The following GLOD5 variants were observed in gnomAD, a reference collection of about 807,000 sequenced individuals.
GLOD5 encodes the protein glyoxalase domain-containing protein 5.
A neutral mutation model predicts 9.9 loss-of-function variants in GLOD5; 7 were observed. The ratio of observed to expected loss-of-function variants is 0.71; its 90% CI spans 0.40 to 1.33. The LOEUF (loss-of-function observed/expected upper bound fraction) is 1.33. Ranked by LOEUF, GLOD5 falls within the 40% of genes most tolerant of loss-of-function variation. The pLI, the probability that GLOD5 is intolerant of heterozygous loss-of-function variation, is 0.01. For missense variants in GLOD5, 146 were observed against 128.4 expected, an observed-to-expected ratio of 1.14 and a Z score of -0.66; for synonymous variants, 49 against 47.3, an observed-to-expected ratio of 1.04 and a Z score of -0.14.
At chrX:48,771,291 A>C (rs782494016) in intron 3 of GLOD5, among the ~76,000 whole-genome samples, 122 of 111,161 alleles carry the variant, frequency 1.1e-3, no homozygotes, top group East Asian at 3.3e-3. Flanking sequence ...ACAAACAAAC[A>C]AACCTACATT....
At chrX:48,766,217 C>A in intron 2 of GLOD5, 1 of 318,654 alleles carries the variant, frequency 3.1e-6, no homozygotes, top group Non-Finnish European at 5.5e-6. Context: ...AAAGGTTAAC[C>A]AAGTATCCAG....
At position 48,766,985 on chromosome X, in the gene GLOD5, C is replaced by CAA. The variant is rs782648787; in HGVS notation, c.201+1032_201+1033dup. 0.014 allele frequency among the ~76,000 whole-genome samples: 41 copies of CAA among 3,020 alleles called. 8 individuals carry two copies. In the South Asian group the frequency reaches 0.23, roughly 17 times the overall value. 2.6% of individuals were successfully genotyped at this position (3,020 alleles called of 115,157 possible). A position where few individuals can be genotyped will look rare whatever the true frequency, so the allele number is the denominator to read the frequency against. On this transcript the variant is annotated intron_variant, in intron 2 of 3. Transcript: ENST00000303227. ...TGGGTGACAGAGCAAGATTCCATCT[C>CAA]AAAAAAAAAAAAAAAAAAAACCAAC...
intron 2 of GLOD5, 54 bp from the exon 3 acceptor site, chrX:48,770,873 T>C: frequency 1.0e-6 from 1 of 977,052 alleles, no homozygotes; most frequent in Non-Finnish European, 1.4e-6. Context: ...CATCTCACAC[T>C]CATCTTGGAG....
rs149903936 is a variant in GLOD5, at chrX:48,766,470, G to T, written c.201+498G>T. On this transcript the variant is annotated intron_variant, in intron 2 of 3. Transcript: ENST00000303227. ...CTATTAACCAAAGGTAAATGTAGGG[G>T]CCAGGTGCGGTGGCTCATGCCTGTA... Among the ~76,000 whole-genome samples the T allele has an allele frequency of 6.7e-4, 75 of 111,996 alleles. 1 individual carries two copies. The East Asian group carries it at 0.018, about 26-fold the overall frequency.
At chrX:48,772,918 G>C (rs2062626128) in intron 3 of GLOD5, among the ~76,000 whole-genome samples, 1 of 110,711 alleles carries the variant, frequency 9.0e-6, no homozygotes, top group Non-Finnish European at 1.9e-5. Context: ...GGTGTTCTAA[G>C]GTCTTCTAGG....
intron 1 of GLOD5, among the ~76,000 whole-genome samples, chrX:48,762,992 T>G (rs1285395314): frequency 1.8e-5 from 2 of 111,819 alleles, no homozygotes; most frequent in East Asian, 5.6e-4. Context: ...AAGAATAGAA[T>G]AATGGGAGGA....
rs782436932 is a variant in GLOD5, at chrX:48,772,695, G to A, written c.358-615G>A. ...AAAATGGGTGAAGCATAGGGGTTAAGAGTATGGTCGTTGACCCAGACTGCC... is the reference window on the plus strand; with the variant it reads ...AAAATGGGTGAAGCATAGGGGTTAAAAGTATGGTCGTTGACCCAGACTGCC... On this transcript the variant is annotated intron_variant, in intron 3 of 3. Transcript: ENST00000303227. 6.6e-4 allele frequency among the ~76,000 whole-genome samples: 74 copies of A among 111,375 alleles called. 1 individual carries two copies. In the South Asian group the frequency reaches 0.012, roughly 18 times the overall value.
rs372009236 is a variant in GLOD5 at position 48,773,447 on chromosome X, C to G, written c.*12C>G. On this transcript the variant is annotated 3_prime_UTR_variant, in exon 4 of 4. Transcript: ENST00000303227. ...ACATCTCCTCGTGATGGAGGCTGGA[C>G]CTCCTCCATTCTGTCCCCCTTGATG... 144 of 1,203,983 alleles carry G rather than the reference C, an allele frequency of 1.2e-4. No homozygotes were observed. The highest frequency in any genetic ancestry group is 1.6e-4 in the Non-Finnish European group (142 of 892,172).
chrX:48,763,133 T>C (rs1557016196), intron 1 of GLOD5, among the ~76,000 whole-genome samples: 1 of 111,577 alleles, frequency 9.0e-6, no homozygotes, highest in Non-Finnish European at 1.9e-5. Flanking sequence ...TGACCTGAGC[T>C]TCCCTATCAA....
At chrX:48,763,318 A>T (rs1199697217) in intron 1 of GLOD5, among the ~76,000 whole-genome samples, 1 of 112,246 alleles carries the variant, frequency 8.9e-6, no homozygotes, top group East Asian at 2.8e-4. Flanking sequence ...CGAGAAATTA[A>T]GAAAATATAT....
In GLOD5 at chrX:48,773,338, C is replaced by T. The variant is rs781918622; in HGVS notation, c.386C>T (p.Pro129Leu). 3 of 1,210,018 alleles carry T rather than the reference C, an allele frequency of 2.5e-6. No individual in the cohort carries two copies. The Admixed American group carries it at 6.5e-5, about 26-fold the overall frequency. ...TGTGATGTCCCTATTGAGGAGGGGCCAGTCCCCAGAACAGGGGCAAAAGGG... is the reference window on the plus strand; with the variant it reads ...TGTGATGTCCCTATTGAGGAGGGGCTAGTCCCCAGAACAGGGGCAAAAGGG... ...KACDVPIEEG[P>L]VPRTGAKGPI... The change falls in exon 4 of 4, where the codon CCA becomes CTA. Residue 129 changes from proline (P) to leucine (L), a missense_variant. Coordinates refer to ENST00000303227, the MANE Select transcript of GLOD5 (RefSeq NM_001080489.3).
chrX:48,763,457 A>G (rs1376052073), intron 1 of GLOD5, among the ~76,000 whole-genome samples: 1 of 111,054 alleles, frequency 9.0e-6, no homozygotes, highest in Non-Finnish European at 1.9e-5. Flanking sequence ...AGGAGGGAGG[A>G]TTGCTTGAGC....
rs781850276 is a variant in GLOD5 at position 48,773,474 on chromosome X, C to T, written c.*39C>T. 3.4e-5 allele frequency: 40 copies of T among 1,188,207 alleles called. No individual in the cohort carries two copies. Among genetic ancestry groups the T allele is most frequent in the South Asian group, 1.6e-4 (9 of 55,484 alleles). ...TCCTCCATTCTGTCCCCCTTGATGTCGCCCTCTCCTTTCCTTCCTGCAAAC... is the reference window on the plus strand; with the variant it reads ...TCCTCCATTCTGTCCCCCTTGATGTTGCCCTCTCCTTTCCTTCCTGCAAAC... On this transcript the variant is annotated 3_prime_UTR_variant, in exon 4 of 4. Coordinates refer to ENST00000303227, the MANE Select transcript of GLOD5 (RefSeq NM_001080489.3).
intron 3 of GLOD5, among the ~76,000 whole-genome samples, chrX:48,772,430 C>T (rs930642766): frequency 9.0e-6 from 1 of 110,640 alleles, no homozygotes; most frequent in Non-Finnish European, 1.9e-5. Context: ...GTCTCAGCTA[C>T]TTGGGAGGCT....
At chrX:48,763,569 T>G (rs782190552) in intron 1 of GLOD5, among the ~76,000 whole-genome samples, 2 of 111,542 alleles carry the variant, frequency 1.8e-5, no homozygotes, top group African/African-American at 6.5e-5. Flanking sequence ...GGCACACACC[T>G]GTAATCCCAG....
At position 48,770,993 on chromosome X, in the gene GLOD5, G is replaced by A; in HGVS notation, c.268G>A (p.Glu90Lys). ...CCTCCACGAGGTGGGAAAGGAATTT[G>A]AACCCAAAGCCGCTCACCCAGTTCC... ...FNLHEVGKEF[E>K]PKAAHPVPGS... Residue 90 changes from glutamate to lysine, a missense_variant, in exon 3 of 4, where the codon GAA becomes AAA. Glu to Lys is a moderately conservative substitution (Grantham distance 56, BLOSUM62 1). Coordinates refer to ENST00000303227, the MANE Select transcript of GLOD5 (RefSeq NM_001080489.3). 1.7e-6 allele frequency: 2 copies of A among 1,202,193 alleles called. No individual in the cohort carries two copies. The highest frequency in any genetic ancestry group is 3.0e-5 in the East Asian group (1 of 33,358).
chrX:48,766,001 A>G lies in GLOD5; in HGVS notation c.201+29A>G, dbSNP rs782491942. ...AGCACTTCCCCAAATGCCAAAATTC[A>G]GGTGGGCTAAAATTTGTTGATAACA... is the stretch of plus-strand genomic sequence containing the variant. On this transcript the variant is annotated intron_variant, in intron 2 of 3. Transcript: ENST00000303227. 1.4e-5 allele frequency: 16 copies of G among 1,182,356 alleles called. No individual in the cohort carries two copies. The East Asian group carries it at 3.9e-4, about 29-fold the overall frequency.
At position 48,761,797 on chromosome X, in the gene GLOD5, C is replaced by G. The variant is rs781935484; in HGVS notation, c.7C>G (p.Arg3Gly). Residue 3 changes from arginine to glycine, a missense_variant, in exon 1 of 4, where the codon CGC becomes GGC. Physicochemically the swap from Arg to Gly is moderately radical, Grantham distance 125 (BLOSUM62 -2). Transcript: ENST00000303227. Reference protein sequence around the residue: MLRHLPSRLPVKM... With the variant: MLGHLPSRLPVKM... ...CAAAGACGCCTACCCTGCCATGCTG[C>G]GCCATCTGCCCTCCAGGCTGCCAGT... 7.3e-5 allele frequency: 85 copies of G among 1,163,877 alleles called. 2 individuals carry two copies. In the South Asian group the frequency reaches 1.4e-3, roughly 20 times the overall value.
chrX:48,772,379 T>C (rs781974094), intron 3 of GLOD5, among the ~76,000 whole-genome samples: 1 of 109,439 alleles, frequency 9.1e-6, no homozygotes, highest in African/African-American at 3.3e-5. Flanking sequence ...CTACATAAAA[T>C]ACAAAAAAAA....
Sources: gnomAD v4.1 joint callset for allele counts (sites outside exome capture counted in the v4.1 genomes callset) on GRCh38, gnomAD v4.1.1 for gene constraint, MANE v1.5 for transcripts, NCBI Gene and HGNC (gene_info 2026-07-23, HGNC 2026-07-21) for gene names.